MCU: variants seen among roughly 807,000 people sequenced by gnomAD.
The protein encoded by MCU is calcium uniporter protein, mitochondrial.
MCU carries 12 observed loss-of-function variants against 45.2 expected under a neutral mutation model. The observed-to-expected ratio is 0.27, with a 90% confidence interval of 0.17 to 0.43. The LOEUF is 0.43. Ranked by LOEUF, MCU falls within the 20% of genes least tolerant of loss-of-function variation. The probability of loss-of-function intolerance (pLI) is 1.00; values close to 1 mark genes in which losing one functional copy is unlikely to be tolerated. For synonymous variants in MCU, 160 were observed against 165.1 expected (o/e 0.97, Z 0.24); for missense variants, 324 against 436.7 (o/e 0.74, Z 2.30).
At chr10:72,869,609 A>C (rs1382827310) in intron 5 of MCU, among the ~76,000 whole-genome samples, 1 of 152,080 alleles carries the variant, frequency 6.6e-6, no homozygotes, top group African/African-American at 2.4e-5. Context: ...CAAAAAAACA[A>C]CAACAACAAA....
At chr10:72,813,526 T>G (rs1254809465) in intron 1 of MCU, among the ~76,000 whole-genome samples, 2 of 144,564 alleles carry the variant, frequency 1.4e-5, no homozygotes, top group Non-Finnish European at 3.0e-5. Context: ...TGGCACAATC[T>G]TGTCTCACTG....
chr10:72,797,679 C>T (rs753701894), intron 1 of MCU, among the ~76,000 whole-genome samples: 3 of 150,764 alleles, frequency 2.0e-5, no homozygotes, highest in African/African-American at 4.9e-5. Context: ...GGATTACAGG[C>T]GCCCACCACC....
At chr10:72,741,643 C>T (rs553676668) in intron 1 of MCU, among the ~76,000 whole-genome samples, 2 of 152,240 alleles carry the variant, frequency 1.3e-5, no homozygotes, top group Non-Finnish European at 2.9e-5. Context: ...TGTTATGCTG[C>T]CAAGTTGATG....
chr10:72,725,271 G>T (rs1589433513), intron 1 of MCU, among the ~76,000 whole-genome samples: 1 of 152,230 alleles, frequency 6.6e-6, no homozygotes, highest in East Asian at 1.9e-4. Flanking sequence ...GACTGCAGGT[G>T]CCTGCTACCA....
At chr10:72,793,670 A>G (rs531995943) in intron 1 of MCU, among the ~76,000 whole-genome samples, 6 of 152,112 alleles carry the variant, frequency 3.9e-5, no homozygotes, top group African/African-American at 1.4e-4. Flanking sequence ...GAGGCTGACT[A>G]TATTAGCTGG....
intron 1 of MCU, among the ~76,000 whole-genome samples, chr10:72,695,935 G>C (rs1487484172): frequency 2.6e-5 from 4 of 151,132 alleles, no homozygotes; most frequent in Non-Finnish European, 4.4e-5. Context: ...AGGCTGAGGC[G>C]GGCAGATCAG....
chr10:72,703,557 A>G (rs1486368452), intron 1 of MCU, among the ~76,000 whole-genome samples: 1 of 152,202 alleles, frequency 6.6e-6, no homozygotes, highest in African/African-American at 2.4e-5. Flanking sequence ...CCCACAGTAG[A>G]AGTACATTTT....
rs564642899 is a variant in MCU at position 72,786,115 on chromosome 10, C to A, written c.151-48244C>A. 7.2e-5 allele frequency among the ~76,000 whole-genome samples: 11 copies of A among 152,140 alleles called. 1 individual carries two copies. The South Asian group carries it at 2.3e-3, about 32-fold the overall frequency. ...GAACGATTTGCTGTGGAGATCATTT[C>A]ATTATATGTGAGATTGATGTCCAGA... On this transcript the variant is annotated intron_variant, in intron 1 of 7. Transcript: ENST00000373053.
At chr10:72,795,717 G>C (rs956919156) in intron 1 of MCU, among the ~76,000 whole-genome samples, 1 of 151,964 alleles carries the variant, frequency 6.6e-6, no homozygotes, top group African/African-American at 2.4e-5. Context: ...TGCCACTCTG[G>C]GGCCGGGCAC....
intron 1 of MCU, among the ~76,000 whole-genome samples, chr10:72,703,913 AC>A (rs1220625455): frequency 2.0e-5 from 3 of 152,028 alleles, no homozygotes; most frequent in Non-Finnish European, 4.4e-5. Context: ...AACAACAACA[AC>A]AACAAAAAAC....
chr10:72,849,133 T>C (rs1167297933), intron 2 of MCU, among the ~76,000 whole-genome samples: 1 of 151,622 alleles, frequency 6.6e-6, no homozygotes, highest in African/African-American at 2.4e-5. Context: ...ACAAAAAAAT[T>C]AGCCGGGCAT....
rs190413755 is a variant in MCU at position 72,886,072 on chromosome 10, A to T, written c.*250A>T. 2.4e-6 allele frequency: 1 copy of T among 410,102 alleles called. No homozygotes were observed. The highest frequency in any genetic ancestry group is 2.0e-5 in the African/African-American group (1 of 48,996). 25.4% of individuals were successfully genotyped at this position (410,102 alleles called of 1,614,324 possible). A position where few individuals can be genotyped will look rare whatever the true frequency, so the allele number is the denominator to read the frequency against. ...GTATCTCAGTTTCTGGATGAAAATG[A>T]TGCAGTTATATAGTTGAGAGATTCA... On this transcript the variant is annotated 3_prime_UTR_variant, in exon 8 of 8. Transcript: ENST00000373053.
rs147858921 is a variant in MCU, at chr10:72,817,481, C to T, written c.151-16878C>T. ...AATCTGTTCTTTAGACTTTGCTTGCCGTGACCACTGTCCTTGGGCATTAGA... is the reference window on the plus strand; with the variant it reads ...AATCTGTTCTTTAGACTTTGCTTGCTGTGACCACTGTCCTTGGGCATTAGA... On this transcript the variant is annotated intron_variant, in intron 1 of 7. Transcript: ENST00000373053. Among the ~76,000 whole-genome samples, 228 of 152,242 alleles carry T rather than the reference C, an allele frequency of 1.5e-3. 2 individuals are homozygous for T. Among genetic ancestry groups the T allele is most frequent in the African/African-American group, 4.9e-3 (203 of 41,538 alleles).
chr10:72,812,256 CTG>C (rs1844555692), intron 1 of MCU, among the ~76,000 whole-genome samples: 1 of 152,092 alleles, frequency 6.6e-6, no homozygotes, highest in Admixed American at 6.5e-5. Flanking sequence ...AGCAATTCTC[CTG>C]TCTCAGCCTC....
chr10:72,697,615 T>C (rs927065882), intron 1 of MCU, among the ~76,000 whole-genome samples: 12 of 151,804 alleles, frequency 7.9e-5, no homozygotes, highest in Non-Finnish European at 1.5e-4. Flanking sequence ...TTTGTATTTT[T>C]AGTAGAGACG....
intron 1 of MCU, among the ~76,000 whole-genome samples, chr10:72,782,242 A>G (rs1159497020): frequency 6.6e-6 from 1 of 152,060 alleles, no homozygotes; most frequent in African/African-American, 2.4e-5. Context: ...GTCCATTTCT[A>G]CTTGTAGAGT....
chr10:72,884,440 T>C, intron 7 of MCU, 58 bp downstream of exon 7: 1 of 935,358 alleles, frequency 1.1e-6, no homozygotes, highest in Non-Finnish European at 1.7e-6. Flanking sequence ...TTATTATTAT[T>C]ATCCACAGCC....
chr10:72,700,058 A>ATTTTTTTT (rs71021525), intron 1 of MCU, among the ~76,000 whole-genome samples: 1 of 135,386 alleles, frequency 7.4e-6, no homozygotes, highest in Non-Finnish European at 1.5e-5. Flanking sequence ...TTGGGGTCAA[A>ATTTTTTTT]TTTTTTTTTT....
In MCU at chr10:72,878,335, C is replaced by T. The variant is rs72812243; in HGVS notation, c.862-5931C>T. On this transcript the variant is annotated intron_variant, in intron 6 of 7. Coordinates refer to ENST00000373053, the MANE Select transcript of MCU (RefSeq NM_138357.3). ...TGTGGTTTCTCCATGTCACTCTGAC[C>T]GGTCTCAAACTCCTGGGCTCAAGCG... is the stretch of plus-strand genomic sequence containing the variant. Among the ~76,000 whole-genome samples the T allele has an allele frequency of 3.6e-3, 545 of 151,704 alleles. 1 individual carries two copies. Among genetic ancestry groups the T allele is most frequent in the Admixed American group, 8.7e-3 (132 of 15,242 alleles).
Sources: gnomAD v4.1 joint callset for allele counts (sites outside exome capture counted in the v4.1 genomes callset) on GRCh38, gnomAD v4.1.1 for gene constraint, MANE v1.5 for transcripts, NCBI Gene and HGNC (gene_info 2026-07-23, HGNC 2026-07-21) for gene names.